The following ABCA5 variants were observed in gnomAD, a reference collection of about 807,000 sequenced individuals.
ABCA5 encodes ATP binding cassette subfamily A member 5, also known as cholesterol transporter ABCA5.
In ABCA5, 163 loss-of-function variants were observed where a neutral mutation model predicts 206.0. The ratio of observed to expected loss-of-function variants is 0.79; its 90% CI spans 0.70 to 0.90. The LOEUF (loss-of-function observed/expected upper bound fraction) is 0.90. ABCA5 is among the 40% of genes least tolerant of loss of function. The pLI, the probability that ABCA5 is intolerant of heterozygous loss-of-function variation, is 0.00. For missense variants in ABCA5, 1,859 were observed against 1,912.9 expected (o/e 0.97, Z 0.53); for synonymous variants, 609 against 613.8 (o/e 0.99, Z 0.11).
At chr17:69,299,471 T>TATACACAC in intron 9 of ABCA5, among the ~76,000 whole-genome samples, 1 of 142,510 alleles carries the variant, frequency 7.0e-6, no homozygotes, top group Admixed American at 7.0e-5. Flanking sequence ...CACACACACA[T>TATACACAC]ACACACACAC....
chr17:69,261,053 GAACT>G (rs1391355196), intron 26 of ABCA5, 68 bp downstream of exon 26: 22 of 1,319,856 alleles, frequency 1.7e-5, no homozygotes, highest in Non-Finnish European at 2.1e-5. Context: ...TTCTATACAA[GAACT>G]AACATCCCCA....
intron 18 of ABCA5, among the ~76,000 whole-genome samples, chr17:69,282,283 G>A (rs762226589): frequency 2.6e-5 from 4 of 151,898 alleles, no homozygotes; most frequent in African/African-American, 7.3e-5. Context: ...GCTCATTCAC[G>A]GTCAGCCCTC....
At chr17:69,269,072 T>C (rs1336557241) in intron 22 of ABCA5, among the ~76,000 whole-genome samples, 1 of 152,190 alleles carries the variant, frequency 6.6e-6, no homozygotes, top group Non-Finnish European at 1.5e-5. Flanking sequence ...TACGACTATA[T>C]ATGAATAGTT....
At position 69,245,384 on chromosome 17, in the gene ABCA5, GA is replaced by G. The variant is rs2074938900; in HGVS notation, c.*2152del. The G allele has an allele frequency of 6.6e-6, 1 of 151,716 alleles. No individual in the cohort carries two copies. The highest frequency in any genetic ancestry group is 2.4e-5 in the African/African-American group (1 of 41,370). The allele number at this position is 151,716 out of a possible 1,614,324, so 9.4% of individuals were successfully genotyped here. A position where few individuals can be genotyped will look rare whatever the true frequency, so the allele number is the denominator to read the frequency against. Reference sequence around the variant, plus strand: ...TTATTTATTTATCTGTACTGACATAGAAAAAAGTTTTGAGATCAGTAATTTA... The same window carrying G: ...TTATTTATTTATCTGTACTGACATAGAAAAAGTTTTGAGATCAGTAATTTA... On this transcript the variant is annotated 3_prime_UTR_variant, in exon 39 of 39. Transcript: ENST00000392676.
At position 69,283,992 on chromosome 17, in the gene ABCA5, A is replaced by G; in HGVS notation, c.2353T>C (p.Phe785Leu). ...TCTGCTTCAACTTCTAGCTTTAAAA[A>G]TACGTCTTCCAAAGTCGTCATGGAA... ...GVSMTTLEDV[F>L]LKLEVEAEID... Residue 785 changes from phenylalanine (F) to leucine (L), a missense_variant, in exon 18 of 39, where the codon TTT becomes CTT. By Grantham distance (22) the Phe-to-Leu change is conservative. Transcript: ENST00000392676. The G allele has an allele frequency of 1.2e-6, 2 of 1,608,210 alleles. No homozygotes were observed. Among genetic ancestry groups the G allele is most frequent in the Non-Finnish European group, 1.7e-6 (2 of 1,177,450 alleles).
rs1010018597 is a variant in ABCA5, at chr17:69,302,795, T to A, written c.1042A>T (p.Ile348Leu). ...FGFIGLMIIL[I>L]ESFPKSLVWL... The stretch of plus-strand genomic sequence containing the variant: ...ACTAACGATTTGGGAAAACTTTCTA[T>A]GAGGATTATCATAAGGCCAATAAAT... Residue 348 changes from isoleucine to leucine, a missense_variant, in exon 8 of 39, where the codon ATA becomes TTA. Transcript: ENST00000392676. 1 of 1,600,938 alleles carries A rather than the reference T, an allele frequency of 6.2e-7. No homozygotes were observed. Among genetic ancestry groups the A allele is most frequent in the African/African-American group, 1.3e-5 (1 of 74,156 alleles).
At position 69,260,503 on chromosome 17, in the gene ABCA5, T is replaced by C. The variant is rs16973878; in HGVS notation, c.3565-91A>G. On this transcript the variant is annotated intron_variant, in intron 26 of 38. Coordinates refer to ENST00000392676, the MANE Select transcript of ABCA5 (RefSeq NM_172232.4). The stretch of plus-strand genomic sequence containing the variant: ...AAATGTATTTTGTTTAGCAAACGTG[T>C]ACTTTCTATAATAAGTTAGCTGTTC... 481 of 847,786 alleles carry C rather than the reference T, an allele frequency of 5.7e-4. 3 individuals are homozygous for C. The African/African-American group carries it at 7.6e-3, about 13-fold the overall frequency. 52.5% of individuals were successfully genotyped at this position (847,786 alleles called of 1,614,324 possible). A position where few individuals can be genotyped will look rare whatever the true frequency, so the allele number is the denominator to read the frequency against.
intron 34 of ABCA5, among the ~76,000 whole-genome samples, chr17:69,252,172 C>T (rs1330514987): frequency 7.7e-6 from 1 of 130,044 alleles, no homozygotes; most frequent in Non-Finnish European, 1.8e-5. Context: ...CCACCACACC[C>T]GGCTAATTTT....
chr17:69,306,740 T>TTATCTTTAAA lies in ABCA5; in HGVS notation c.772_773insTTTAAAGATA (p.His258LeufsTer2). 6.7e-7 allele frequency: 1 copy of TTATCTTTAAA among 1,488,622 alleles called. No homozygotes were observed. Among genetic ancestry groups the TTATCTTTAAA allele is most frequent in the Non-Finnish European group, 9.0e-7 (1 of 1,108,806 alleles). The allele number at this position is 1,488,622 out of a possible 1,614,324, so 92.2% of individuals were successfully genotyped here. The stretch of plus-strand genomic sequence containing the variant: ...AATAACATACCAAAAGGCAGTATCA[T>TTATCTTTAAA]GAAGTCCCATTATCTTTAAAAATTC... On this transcript the variant is annotated stop_gained and frameshift_variant, in exon 6 of 39. Transcript: ENST00000392676. LOFTEE classifies it high-confidence loss of function.
chr17:69,311,530 G>A (rs142829154), intron 3 of ABCA5, among the ~76,000 whole-genome samples: 8 of 151,726 alleles, frequency 5.3e-5, no homozygotes, highest in African/African-American at 9.7e-5. Context: ...TTGCTCTGTC[G>A]CCAGGCTTGA....
At chr17:69,267,786 A>G (rs2075227121) in intron 23 of ABCA5, among the ~76,000 whole-genome samples, 157 bp downstream of exon 23, 2 of 152,184 alleles carry the variant, frequency 1.3e-5, no homozygotes, top group Admixed American at 1.3e-4. Flanking sequence ...AATATTAATT[A>G]TCACTTATTA....
At chr17:69,248,925 A>C (rs1373691556) in intron 37 of ABCA5, 1 of 152,282 alleles carries the variant, frequency 6.6e-6, no homozygotes, top group Non-Finnish European at 1.5e-5. Flanking sequence ...ACAGAGTCTC[A>C]CTATGTTGCT....
chr17:69,283,291 T>C (rs1242656713), intron 18 of ABCA5, among the ~76,000 whole-genome samples: 3 of 152,110 alleles, frequency 2.0e-5, no homozygotes, highest in African/African-American at 7.2e-5. Flanking sequence ...GCCTCCCTAT[T>C]TTCACTGACA....
intron 3 of ABCA5, among the ~76,000 whole-genome samples, chr17:69,311,218 T>C (rs533729227): frequency 2.0e-5 from 3 of 151,156 alleles, no homozygotes; most frequent in African/African-American, 4.9e-5. Context: ...AAAAAAAAAA[T>C]GCTTCATAGA....
intron 3 of ABCA5, among the ~76,000 whole-genome samples, chr17:69,310,304 T>G (rs1258978357): frequency 6.6e-6 from 1 of 152,040 alleles, no homozygotes; most frequent in Non-Finnish European, 1.5e-5. Context: ...CCTGGCTAAT[T>G]TTTTGTTTTT....
intron 18 of ABCA5, among the ~76,000 whole-genome samples, chr17:69,280,049 A>C (rs1057161733): frequency 7.2e-5 from 11 of 152,190 alleles, no homozygotes; most frequent in South Asian, 2.1e-4. Context: ...TAATTAAACT[A>C]AAGAGCTTCT....
rs370964053 is a variant in ABCA5 at position 69,255,644 on chromosome 17, T to C, written c.3977-10A>G. The C allele has an allele frequency of 1.2e-5, 19 of 1,575,032 alleles. No homozygotes were observed. The highest frequency in any genetic ancestry group is 2.4e-5 in the South Asian group (2 of 83,764). On this transcript the variant is annotated splice_polypyrimidine_tract_variant and intron_variant, in intron 30 of 38. Transcript: ENST00000392676. ...AGTCCTAAGATCTCTCCTAAAGGAA[T>C]TGAAAGAAAAAAAAATCATAATCAA...
At position 69,248,303 on chromosome 17, in the gene ABCA5, CA is replaced by C; in HGVS notation, c.4779del (p.Phe1593LeufsTer18). On this transcript the variant is annotated frameshift_variant, in exon 38 of 39. Transcript: ENST00000392676. LOFTEE classifies it high-confidence loss of function. ...TGAGAAAAGCTATATTCTTCAATGG[CA>C]AAAGCATGTTTAGCTATTAAAATAT... The part of the protein sequence containing the change: ...FFKLEEAKHA[F>X]AIEEYSFSQA... 1 of 1,566,972 alleles carries C rather than the reference CA, an allele frequency of 6.4e-7. No homozygotes were observed. Among genetic ancestry groups the C allele is most frequent in the Non-Finnish European group, 8.7e-7 (1 of 1,147,650 alleles).
chr17:69,321,719 T>C (rs910184488), intron 1 of ABCA5, among the ~76,000 whole-genome samples: 3 of 152,060 alleles, frequency 2.0e-5, no homozygotes, highest in Non-Finnish European at 2.9e-5. Flanking sequence ...AGCCAATTCT[T>C]AGCTGTTAAA....
Sources: gnomAD v4.1 joint callset for allele counts (sites outside exome capture counted in the v4.1 genomes callset) on GRCh38, gnomAD v4.1.1 for gene constraint, MANE v1.5 for transcripts, NCBI Gene and HGNC (gene_info 2026-07-23, HGNC 2026-07-21) for gene names.